Variants in CREB1 observed in about 807,000 individuals in gnomAD.
The protein encoded by CREB1 is cyclic AMP-responsive element-binding protein 1.
Under a neutral mutation model 42.0 loss-of-function variants are expected in CREB1, and 2 were observed. The ratio of observed to expected loss-of-function variants is 0.05; its 90% CI spans 0.02 to 0.15. The LOEUF (loss-of-function observed/expected upper bound fraction) is 0.15. Ranked by LOEUF, CREB1 falls within the 10% of genes least tolerant of loss-of-function variation. CREB1 has a pLI of 1.00. For synonymous variants in CREB1, 123 were observed against 139.9 expected (o/e 0.88, Z 0.85); for missense variants, 199 against 388.9 (o/e 0.51, Z 4.11).
chr2:207,582,244 G>A (rs1426257245), intron 7 of CREB1: 1 of 697,774 alleles, frequency 1.4e-6, no homozygotes, highest in African/African-American at 1.8e-5. Context: ...GAAGTACTTG[G>A]AGGCTATGCA....
rs183971158 is a variant in CREB1 at position 207,548,158 on chromosome 2, G to A, written c.-8-7470G>A. Among the ~76,000 whole-genome samples the A allele has an allele frequency of 3.4e-3, 513 of 152,052 alleles. 2 individuals carry two copies. Among genetic ancestry groups the A allele is most frequent in the Admixed American group, 9.3e-3 (142 of 15,258 alleles). On this transcript the variant is annotated intron_variant, in intron 1 of 7. Coordinates refer to ENST00000353267, the MANE Select transcript of CREB1 (RefSeq NM_004379.5). ...ATGTTGGCCAGGCAGATCGCAAACT[G>A]CCTCAAGTAATCTGCCCGCCTAGGC... is the stretch of plus-strand genomic sequence containing the variant.
intron 6 of CREB1, among the ~76,000 whole-genome samples, chr2:207,576,271 T>C (rs919195647): frequency 6.6e-6 from 1 of 150,440 alleles, no homozygotes; most frequent in Non-Finnish European, 1.5e-5. Context: ...GTTTTTTTTT[T>C]CTGTTTATTT....
chr2:207,584,694 GC>G (rs1298233741), intron 7 of CREB1, among the ~76,000 whole-genome samples: 1 of 152,168 alleles, frequency 6.6e-6, no homozygotes, highest in Non-Finnish European at 1.5e-5. Context: ...GAGCTACTGT[GC>G]CCAGCCTTCA....
At chr2:207,549,670 C>T (rs113358848) in intron 1 of CREB1, among the ~76,000 whole-genome samples, 1,560 of 152,170 alleles carry the variant, frequency 0.01, 26 homozygotes, top group African/African-American at 0.036. Flanking sequence ...GTCAGGAAAT[C>T]GAGACCGTCC....
chr2:207,575,207 G>A (rs1445175296), intron 5 of CREB1, 65 bp from the exon 6 acceptor site: 3 of 1,443,694 alleles, frequency 2.1e-6, no homozygotes, highest in East Asian at 2.3e-5. Context: ...TTCTACATTG[G>A]ATGTAATGTT....
chr2:207,542,568 G>T (rs2081137681), intron 1 of CREB1, among the ~76,000 whole-genome samples: 1 of 151,970 alleles, frequency 6.6e-6, no homozygotes, highest in South Asian at 2.1e-4. Flanking sequence ...CAAATCTCTT[G>T]TCAGATACAT....
intron 6 of CREB1, 33 bp downstream of exon 6, chr2:207,575,487 A>T: frequency 6.6e-7 from 1 of 1,523,658 alleles, no homozygotes; most frequent in Non-Finnish European, 8.9e-7. Context: ...GGTGTGGTAA[A>T]TTCTTCAAAA....
chr2:207,569,657 CT>C (rs1228427609), intron 4 of CREB1, among the ~76,000 whole-genome samples: 2 of 150,992 alleles, frequency 1.3e-5, no homozygotes, highest in African/African-American at 2.4e-5. Context: ...GATAATACAT[CT>C]TTTTTTTTGT....
At chr2:207,531,014 T>G (rs1574732601) in intron 1 of CREB1, among the ~76,000 whole-genome samples, 1 of 152,082 alleles carries the variant, frequency 6.6e-6, no homozygotes, top group East Asian at 1.9e-4. Flanking sequence ...GCATGCTTTT[T>G]GGGAGAAAGG....
chr2:207,576,241 C>CTTTTTTTTTTTTT (rs35735523), intron 6 of CREB1, among the ~76,000 whole-genome samples: 4 of 101,066 alleles, frequency 4.0e-5, no homozygotes, highest in African/African-American at 7.6e-5. Flanking sequence ...CTTTTTTTGG[C>CTTTTTTTTTTTTT]TTTTTTTTTT....
chr2:207,563,344 C>G (rs57838515), intron 3 of CREB1, among the ~76,000 whole-genome samples: 1,625 of 152,186 alleles, frequency 0.011, 37 homozygotes, highest in African/African-American at 0.038. Flanking sequence ...GTAAATTGTT[C>G]AGGAGTCTTC....
chr2:207,588,732 T>G (rs1012347461), intron 7 of CREB1, among the ~76,000 whole-genome samples: 7 of 142,688 alleles, frequency 4.9e-5, no homozygotes, highest in African/African-American at 7.6e-5. Context: ...TTTCTGGTTT[T>G]TTTTTTTTTT....
intron 7 of CREB1, among the ~76,000 whole-genome samples, chr2:207,591,974 T>C (rs891141945): frequency 6.6e-6 from 1 of 152,206 alleles, no homozygotes; most frequent in Non-Finnish European, 1.5e-5. Context: ...ATCCATGTTT[T>C]AATCTATTAT....
rs1368332109 is a variant in CREB1, at chr2:207,575,325, G to A, written c.559G>A (p.Val187Ile). 6.2e-7 allele frequency: 1 copy of A among 1,614,106 alleles called. No homozygotes were observed. Among genetic ancestry groups the A allele is most frequent in the African/African-American group, 1.3e-5 (1 of 75,024 alleles). The stretch of plus-strand genomic sequence containing the variant: ...GCTGGCTAACAATGGTACCGATGGG[G>A]TACAGGGCCTGCAAACATTAACCAT... ...IQLANNGTDG[V>I]QGLQTLTMTN... The change falls in exon 6 of 8, where the codon GTA becomes ATA. Residue 187 changes from valine (V) to isoleucine (I), a missense_variant. Val to Ile is a conservative substitution (Grantham distance 29). Around this residue, in one of 4 missense-constraint regions of CREB1, gnomAD observed 66 missense variants for 88.1 expected, o/e 0.75. Coordinates refer to ENST00000353267, the MANE Select transcript of CREB1 (RefSeq NM_004379.5).
chr2:207,571,428 A>T (rs930716416), intron 5 of CREB1, among the ~76,000 whole-genome samples: 9 of 152,166 alleles, frequency 5.9e-5, no homozygotes, highest in African/African-American at 1.7e-4. Context: ...TCTAATTTGC[A>T]TTCCCATCTG....
chr2:207,544,716 AC>A (rs2081232348), intron 1 of CREB1, among the ~76,000 whole-genome samples: 2 of 149,428 alleles, frequency 1.3e-5, no homozygotes, highest in African/African-American at 4.9e-5. Flanking sequence ...TCCTCCTCCC[AC>A]CCCCAACCCT....
Position 207,603,939 on chromosome 2 carries a change from T to G in CREB1, c.*6881T>G, listed in dbSNP as rs1452602241. Among the ~76,000 whole-genome samples, 2 of 152,226 alleles carry G rather than the reference T, an allele frequency of 1.3e-5. No homozygotes were observed. The highest frequency in any genetic ancestry group is 4.8e-5 in the African/African-American group (2 of 41,472). The stretch of plus-strand genomic sequence containing the variant: ...ATAAGCAGCTGCATTATTTGTATGT[T>G]TCTTCACTGCCAAGATGTGTTCAAG... On this transcript the variant is annotated 3_prime_UTR_variant, in exon 8 of 8. Transcript: ENST00000353267.
chr2:207,545,965 C>A (rs1481660464), intron 1 of CREB1, among the ~76,000 whole-genome samples: 1 of 152,134 alleles, frequency 6.6e-6, no homozygotes, highest in African/African-American at 2.4e-5. Context: ...GAACTCCCGA[C>A]CTCAGGTGAT....
intron 7 of CREB1, among the ~76,000 whole-genome samples, chr2:207,594,632 G>A (rs2085756419): frequency 6.6e-6 from 1 of 152,048 alleles, no homozygotes; most frequent in African/African-American, 2.4e-5. Context: ...ATGGACATTT[G>A]GGCTGCTTCC....
Sources: gnomAD v4.1 joint callset for allele counts (sites outside exome capture counted in the v4.1 genomes callset) on GRCh38, gnomAD v4.1.1 for gene constraint, gnomAD v4.1.1 regional missense constraint, MANE v1.5 for transcripts, NCBI Gene and HGNC (gene_info 2026-07-23, HGNC 2026-07-21) for gene names.